PRPSAP2: variants seen among roughly 807,000 people sequenced by gnomAD.
PRPSAP2 encodes phosphoribosyl pyrophosphate synthase-associated protein 2.
Under a neutral mutation model 40.6 loss-of-function variants are expected in PRPSAP2, and 24 were observed. The ratio of observed to expected loss-of-function variants is 0.59; its 90% CI spans 0.43 to 0.83. PRPSAP2 has a LOEUF of 0.83. Ranked by LOEUF, PRPSAP2 falls within the 40% of genes least tolerant of loss-of-function variation. The pLI, the probability that PRPSAP2 is intolerant of heterozygous loss-of-function variation, is 0.00. For synonymous variants in PRPSAP2, 149 were observed against 164.7 expected, an observed-to-expected ratio of 0.90 and a Z score of 0.73; for missense variants, 292 against 465.6, an observed-to-expected ratio of 0.63 and a Z score of 3.43.
In PRPSAP2 at chr17:18,868,479, A is replaced by G. The variant is rs962464265; in HGVS notation, c.172+1145A>G. On this transcript the variant is annotated intron_variant, in intron 4 of 11. Coordinates refer to ENST00000268835, the MANE Select transcript of PRPSAP2 (RefSeq NM_002767.4). ...GGGAACAAGAGCGAGACTTTGTCTC[A>G]GGGGAAAAAAAAAAAAAAAGAAATT... Among the ~76,000 whole-genome samples, 218 of 150,850 alleles carry G rather than the reference A, an allele frequency of 1.4e-3. 1 individual carries two copies. Among genetic ancestry groups the G allele is most frequent in the African/African-American group, 5.1e-3 (209 of 41,162 alleles).
intron 8 of PRPSAP2, among the ~76,000 whole-genome samples, chr17:18,900,475 A>G (rs1239347506): frequency 6.6e-6 from 1 of 151,936 alleles, no homozygotes; most frequent in Non-Finnish European, 1.5e-5. Context: ...CATGTCTGTC[A>G]TCTTGGTGTT....
In PRPSAP2 at chr17:18,930,791, C is replaced by T. The variant is rs921940653; in HGVS notation, c.*93C>T. ...TTTCACAGGAACCGTCATGCTTGTT[C>T]CTCCCTCTCCCCTGTAACCTCACTT... On this transcript the variant is annotated 3_prime_UTR_variant, in exon 12 of 12. Coordinates refer to ENST00000268835, the MANE Select transcript of PRPSAP2 (RefSeq NM_002767.4). 1.7e-5 allele frequency: 20 copies of T among 1,160,254 alleles called. No homozygotes were observed. Among genetic ancestry groups the T allele is most frequent in the Non-Finnish European group, 2.4e-5 (20 of 847,628 alleles). 71.9% of individuals were successfully genotyped at this position (1,160,254 alleles called of 1,614,324 possible).
chr17:18,869,341 CTT>C (rs545524445), intron 4 of PRPSAP2, among the ~76,000 whole-genome samples: 21 of 140,292 alleles, frequency 1.5e-4, no homozygotes, highest in Admixed American at 2.2e-4. Context: ...CTTTTCTTTT[CTT>C]TTTTTTTTTT....
chr17:18,882,569 T>G lies in PRPSAP2; in HGVS notation c.414T>G (p.Gly138=), dbSNP rs749206746. Reference sequence around the variant, plus strand: ...CTTGTGTCTGCTTTATTTTCAAAGGTCTAACTCATCTTATTACTATGGATT... The same window carrying G: ...CTTGTGTCTGCTTTATTTTCAAAGGGCTAACTCATCTTATTACTATGGATT... ...KLLASMMCKA[G]LTHLITMDLH... The change falls in exon 7 of 12, where the codon GGT becomes GGG. Residue 138 remains glycine (G), a splice_region_variant and synonymous_variant. Transcript: ENST00000268835. The G allele has an allele frequency of 6.5e-7, 1 of 1,538,412 alleles. No individual in the cohort carries two copies. Among genetic ancestry groups the G allele is most frequent in the Non-Finnish European group, 9.0e-7 (1 of 1,113,496 alleles).
In PRPSAP2 at chr17:18,927,309, G is replaced by A. The variant is rs953753197; in HGVS notation, c.805-1502G>A. Among the ~76,000 whole-genome samples, 12 of 152,248 alleles carry A rather than the reference G, an allele frequency of 7.9e-5. No homozygotes were observed. In the Middle Eastern group the frequency reaches 0.01, roughly 129 times the overall value. Reference sequence around the variant, plus strand: ...AGTTTCCAACACATGAATTTTGGAGGGACAAAAACATTCAAGCCACAGCAC... The same window carrying A: ...AGTTTCCAACACATGAATTTTGGAGAGACAAAAACATTCAAGCCACAGCAC... On this transcript the variant is annotated intron_variant, in intron 10 of 11. Transcript: ENST00000268835.
At chr17:18,909,748 T>TA (rs2065596169) in intron 8 of PRPSAP2, among the ~76,000 whole-genome samples, 1 of 151,410 alleles carries the variant, frequency 6.6e-6, no homozygotes, top group African/African-American at 2.4e-5. Flanking sequence ...CTACAAAAAA[T>TA]ACAAAAATTA....
At chr17:18,892,983 T>G (rs2039669785) in intron 8 of PRPSAP2, among the ~76,000 whole-genome samples, 1 of 151,890 alleles carries the variant, frequency 6.6e-6, no homozygotes, top group East Asian at 1.9e-4. Flanking sequence ...ATTTAATAAT[T>G]GGGTTGTCTT....
chr17:18,928,903 T>C lies in PRPSAP2; in HGVS notation c.897T>C (p.His299=). 1.2e-6 allele frequency: 2 copies of C among 1,614,192 alleles called. No individual in the cohort carries two copies. The highest frequency in any genetic ancestry group is 1.7e-6 in the Non-Finnish European group (2 of 1,180,010). Residue 299 remains histidine (H), a synonymous_variant, in exon 11 of 12, where the codon CAT becomes CAC. Transcript: ENST00000268835. ...ATAAGATCTTTGTGATGGCAACTCA[T>C]GGCTTGTTGTCTTCTGACGCCCCCC... ...GAYKIFVMAT[H]GLLSSDAPRR...
At chr17:18,897,954 A>G (rs1332762754) in intron 8 of PRPSAP2, among the ~76,000 whole-genome samples, 1 of 149,006 alleles carries the variant, frequency 6.7e-6, no homozygotes, top group Non-Finnish European at 1.5e-5. Flanking sequence ...ATTTCTATAC[A>G]TACATTTATA....
At chr17:18,923,052 G>GT (rs901677872) in intron 9 of PRPSAP2, among the ~76,000 whole-genome samples, 19 of 149,938 alleles carry the variant, frequency 1.3e-4, no homozygotes, top group South Asian at 2.1e-4. Flanking sequence ...TTCTGTAGGG[G>GT]TTTTTTTTAC....
intron 4 of PRPSAP2, among the ~76,000 whole-genome samples, chr17:18,870,081 T>C (rs2037750492): frequency 1.3e-5 from 2 of 152,040 alleles, no homozygotes; most frequent in African/African-American, 4.8e-5. Flanking sequence ...ACTTCTGACC[T>C]CAAATGATCA....
chr17:18,884,821 C>T (rs971708182), intron 7 of PRPSAP2, among the ~76,000 whole-genome samples: 2 of 152,248 alleles, frequency 1.3e-5, no homozygotes, highest in South Asian at 2.1e-4. Flanking sequence ...ATAGAGCAGT[C>T]GCTATAGACT....
chr17:18,860,467 T>C (rs957546795), intron 1 of PRPSAP2: 3 of 152,230 alleles, frequency 2.0e-5, no homozygotes, highest in Non-Finnish European at 4.4e-5. Context: ...GCCTCTACCG[T>C]GTGGCAGCTG....
At chr17:18,873,037 T>A (rs2038006699) in intron 5 of PRPSAP2, among the ~76,000 whole-genome samples, 1 of 151,972 alleles carries the variant, frequency 6.6e-6, no homozygotes, top group Middle Eastern at 3.2e-3. Context: ...AGACGGGGTT[T>A]CACCATGTTG....
rs200202968 is a variant in PRPSAP2 at position 18,912,533 on chromosome 17, TCTTAA to T, written c.733+1288_733+1292del. On this transcript the variant is annotated intron_variant, in intron 9 of 11. Coordinates refer to ENST00000268835, the MANE Select transcript of PRPSAP2 (RefSeq NM_002767.4). ...CCCCAAAATGTTAACTCCGGGTAAG[TCTTAA>T]CTTAATTTCAGCATCACCTCAAAAG... Among the ~76,000 whole-genome samples, 697 of 152,240 alleles carry T rather than the reference TCTTAA, an allele frequency of 4.6e-3. 6 individuals carry two copies. Among genetic ancestry groups the T allele is most frequent in the Middle Eastern group, 0.02 (6 of 294 alleles).
At chr17:18,909,315 C>A (rs1000264175) in intron 8 of PRPSAP2, among the ~76,000 whole-genome samples, 2 of 148,574 alleles carry the variant, frequency 1.3e-5, no homozygotes, top group African/African-American at 5.0e-5. Context: ...TATCTCCACT[C>A]ACTGCGAGCT....
intron 3 of PRPSAP2, among the ~76,000 whole-genome samples, chr17:18,866,597 T>G (rs2037451361): frequency 6.6e-6 from 1 of 152,154 alleles, no homozygotes; most frequent in Non-Finnish European, 1.5e-5. Flanking sequence ...ATGAAATAAC[T>G]TATAGCTTAT....
At position 18,908,676 on chromosome 17, in the gene PRPSAP2, G is replaced by C. The variant is rs1250980339; in HGVS notation, c.585-2427G>C. 1.2e-5 allele frequency: 9 copies of C among 722,850 alleles called. No homozygotes were observed. The African/African-American group carries it at 1.6e-4, about 13-fold the overall frequency. 44.8% of individuals were successfully genotyped at this position (722,850 alleles called of 1,614,324 possible). A position where few individuals can be genotyped will look rare whatever the true frequency, so the allele number is the denominator to read the frequency against. On this transcript the variant is annotated intron_variant, in intron 8 of 11. Coordinates refer to ENST00000268835, the MANE Select transcript of PRPSAP2 (RefSeq NM_002767.4). ...CCAACGAGTGCCCCAAGCCAGAGCT[G>C]CTGGCCATCCACTTCCTGAATATTG...
chr17:18,904,711 G>A (rs772697311), intron 8 of PRPSAP2: 7 of 152,204 alleles, frequency 4.6e-5, no homozygotes, highest in Non-Finnish European at 8.8e-5. Context: ...CTTTTGTAAG[G>A]AACAGAACTT....
Sources: allele counts gnomAD v4.1 joint callset (sites outside exome capture counted in the v4.1 genomes callset), GRCh38; gene constraint gnomAD v4.1.1; transcripts MANE v1.5; gene names NCBI Gene and HGNC (gene_info 2026-07-23, HGNC 2026-07-21).